The following TACR3 variants were observed in gnomAD, a reference collection of about 807,000 sequenced individuals.
TACR3 encodes the protein neuromedin-K receptor.
Under a neutral mutation model 35.0 loss-of-function variants are expected in TACR3, and 34 were observed. The observed-to-expected ratio is 0.97, with a 90% CI of 0.74 to 1.30. TACR3 has a LOEUF of 1.30. Ranked by LOEUF, TACR3 falls within the 50% of genes most tolerant of loss-of-function variation. The pLI is 0.00. For synonymous variants in TACR3, 233 were observed against 221.1 expected (o/e 1.05, Z -0.48); for missense variants, 558 against 591.7 (o/e 0.94, Z 0.59).
At chr4:103,590,063 G>A (rs971715710) in intron 4 of TACR3, 69 bp from the exon 5 acceptor site, 3 of 1,549,228 alleles carry the variant, frequency 1.9e-6, no homozygotes, top group African/African-American at 2.7e-5. Flanking sequence ...AGCTGCCACA[G>A]AAAATTCTAC....
At chr4:103,656,768 C>G (rs2110329807) in intron 2 of TACR3, among the ~76,000 whole-genome samples, 1 of 152,148 alleles carries the variant, frequency 6.6e-6, no homozygotes, top group South Asian at 2.1e-4. Flanking sequence ...ACTGTCTTCT[C>G]TATTGCTGCA....
chr4:103,683,419 A>G (rs530394140), intron 1 of TACR3, among the ~76,000 whole-genome samples: 2 of 150,626 alleles, frequency 1.3e-5, no homozygotes, highest in South Asian at 4.2e-4. Flanking sequence ...AATCCAAAAA[A>G]TAACCTTTTG....
chr4:103,664,636 A>G (rs1275403520), intron 1 of TACR3, among the ~76,000 whole-genome samples: 1 of 152,190 alleles, frequency 6.6e-6, no homozygotes, highest in Non-Finnish European at 1.5e-5. Flanking sequence ...CAAAATAAAG[A>G]TTAGTTGCAA....
At chr4:103,658,061 C>T (rs1725767701) in intron 2 of TACR3, among the ~76,000 whole-genome samples, 154 bp downstream of exon 2, 1 of 152,148 alleles carries the variant, frequency 6.6e-6, no homozygotes, top group East Asian at 1.9e-4. Flanking sequence ...ACACACAAAT[C>T]ATACCATATT....
intron 1 of TACR3, among the ~76,000 whole-genome samples, chr4:103,713,366 G>A (rs1280285918): frequency 6.6e-6 from 1 of 150,740 alleles, no homozygotes; most frequent in Non-Finnish European, 1.5e-5. Context: ...GCGAACTATT[G>A]CAATGACAAA....
At position 103,630,600 on chromosome 4, in the gene TACR3, T is replaced by A. The variant is rs1315186548; in HGVS notation, c.888+25594A>T. On this transcript the variant is annotated intron_variant, in intron 3 of 4. Transcript: ENST00000304883. ...AAAAAATGCTCATCATCACTGGTCATCAGAGAAATGCAAATCACAACCACA... is the reference window on the plus strand; with the variant it reads ...AAAAAATGCTCATCATCACTGGTCAACAGAGAAATGCAAATCACAACCACA... Among the ~76,000 whole-genome samples, 3 of 152,188 alleles carry A rather than the reference T, an allele frequency of 2.0e-5. No individual in the cohort carries two copies. In the East Asian group the frequency reaches 5.8e-4, roughly 29 times the overall value.
chr4:103,627,020 TAA>T (rs1192359662), intron 3 of TACR3, among the ~76,000 whole-genome samples: 1 of 137,596 alleles, frequency 7.3e-6, no homozygotes, highest in Non-Finnish European at 1.6e-5. Flanking sequence ...GAAAAATAAA[TAA>T]AAAAAAAAAA....
intron 3 of TACR3, among the ~76,000 whole-genome samples, chr4:103,654,254 T>G (rs1725682974): frequency 6.6e-6 from 1 of 151,596 alleles, no homozygotes; most frequent in African/African-American, 2.4e-5. Context: ...ACACGTATGT[T>G]TATTGTGGCA....
intron 1 of TACR3, among the ~76,000 whole-genome samples, chr4:103,679,004 A>C (rs1726232458): frequency 6.6e-6 from 1 of 151,994 alleles, no homozygotes; most frequent in African/African-American, 2.4e-5. Context: ...GAAGAAAATC[A>C]GGGATGCCAG....
intron 1 of TACR3, among the ~76,000 whole-genome samples, chr4:103,667,025 A>C (rs1725949698): frequency 2.0e-5 from 3 of 152,174 alleles, no homozygotes; most frequent in African/African-American, 7.2e-5. Context: ...CAGGAGGCCA[A>C]GGTGGGTGGA....
intron 1 of TACR3, among the ~76,000 whole-genome samples, chr4:103,691,528 G>T (rs78062785): frequency 6.6e-6 from 1 of 152,100 alleles, no homozygotes; most frequent in Non-Finnish European, 1.5e-5. Flanking sequence ...GGCTGTGGTG[G>T]TTGTTAAATG....
At chr4:103,676,241 G>C (rs1403508364) in intron 1 of TACR3, among the ~76,000 whole-genome samples, 2 of 152,140 alleles carry the variant, frequency 1.3e-5, no homozygotes, top group Non-Finnish European at 2.9e-5. Flanking sequence ...TGTACAGATA[G>C]ATGAATAATT....
rs536905904 is a variant in TACR3 at position 103,594,917 on chromosome 4, T to C, written c.889-3234A>G. On this transcript the variant is annotated intron_variant, in intron 3 of 4. Coordinates refer to ENST00000304883, the MANE Select transcript of TACR3 (RefSeq NM_001059.3). ...ATTTTCTGTACTTATTTCTATATAA[T>C]ACTGTTACCTTGGCACTCTGCTTAC... Among the ~76,000 whole-genome samples, 10 of 101,826 alleles carry C rather than the reference T, an allele frequency of 9.8e-5. No homozygotes were observed. In the South Asian group the frequency reaches 2.8e-3, roughly 29 times the overall value. The allele number at this position is 101,826 out of a possible 152,430, so 66.8% of individuals were successfully genotyped here.
chr4:103,685,250 A>G (rs2110212742), intron 1 of TACR3, among the ~76,000 whole-genome samples: 1 of 152,196 alleles, frequency 6.6e-6, no homozygotes, highest in African/African-American at 2.4e-5. Context: ...GTATAAAGGC[A>G]GTTAAGTGAA....
chr4:103,654,220 T>TCC (rs1453778828), intron 3 of TACR3, among the ~76,000 whole-genome samples: 1 of 151,562 alleles, frequency 6.6e-6, no homozygotes, highest in African/African-American at 2.4e-5. Context: ...GGATTATAAA[T>TCC]CATGCTGCTA....
intron 3 of TACR3, among the ~76,000 whole-genome samples, chr4:103,603,422 C>T (rs2110292402): frequency 6.6e-6 from 1 of 152,362 alleles, no homozygotes; most frequent in East Asian, 1.9e-4. Context: ...CTGTCTGGCA[C>T]TCCCCAGTGA....
In TACR3 at chr4:103,719,945, C is replaced by G; in HGVS notation, c.-270G>C. On this transcript the variant is annotated 5_prime_UTR_variant, in exon 1 of 5. Coordinates refer to ENST00000304883, the MANE Select transcript of TACR3 (RefSeq NM_001059.3). ...TTAAGGGTTATCGAGTCACATCACACGTAGGGAGGGTGCCAGCTGCCCGGC... is the reference window on the plus strand; with the variant it reads ...TTAAGGGTTATCGAGTCACATCACAGGTAGGGAGGGTGCCAGCTGCCCGGC... 1.8e-6 allele frequency: 1 copy of G among 559,432 alleles called. No homozygotes were observed. The highest frequency in any genetic ancestry group is 3.2e-6 in the Non-Finnish European group (1 of 312,358). 34.7% of individuals were successfully genotyped at this position (559,432 alleles called of 1,614,324 possible).
chr4:103,624,106 C>T (rs563846165), intron 3 of TACR3, among the ~76,000 whole-genome samples: 4 of 152,090 alleles, frequency 2.6e-5, no homozygotes, highest in African/African-American at 9.6e-5. Context: ...TTTGAAGGAC[C>T]CGTTGCTTAT....
rs202165456 is a variant in TACR3 at position 103,652,963 on chromosome 4, TAA to T, written c.888+3229_888+3230del. On this transcript the variant is annotated intron_variant, in intron 3 of 4. Coordinates refer to ENST00000304883, the MANE Select transcript of TACR3 (RefSeq NM_001059.3). The stretch of plus-strand genomic sequence containing the variant: ...TGACTTTAGATAAAAAGAAAAAAAT[TAA>T]GAGAAGGGCCAGCTATATTTTAAAA... 1.3e-4 allele frequency among the ~76,000 whole-genome samples: 20 copies of T among 152,184 alleles called. No homozygotes were observed. The East Asian group carries it at 3.5e-3, about 26-fold the overall frequency.
Sources: gnomAD v4.1 joint callset for allele counts (sites outside exome capture counted in the v4.1 genomes callset) on GRCh38, gnomAD v4.1.1 for gene constraint, MANE v1.5 for transcripts, NCBI Gene and HGNC (gene_info 2026-07-23, HGNC 2026-07-21) for gene names.